The following ABTB2 variants were observed in gnomAD, a reference collection of about 807,000 sequenced individuals.
ABTB2 encodes ankyrin repeat and BTB domain containing 2, also known as ankyrin repeat and BTB/POZ domain-containing protein 2.
Under a neutral mutation model 104.1 loss-of-function variants are expected in ABTB2, and 56 were observed. The observed-to-expected ratio is 0.54, with a 90% CI of 0.43 to 0.67. The LOEUF (loss-of-function observed/expected upper bound fraction) is 0.67, where lower values mean the gene tolerates loss of function less well. Ranked by LOEUF, ABTB2 falls within the 30% of genes least tolerant of loss-of-function variation. The probability of loss-of-function intolerance (pLI) is 0.00; values close to 1 mark genes in which losing one functional copy is unlikely to be tolerated. For missense variants in ABTB2, 1,279 were observed against 1,407.7 expected (o/e 0.91, Z 1.46); for synonymous variants, 606 against 608.2 (o/e 1.00, Z 0.05).
At chr11:34,292,698 C>T (rs562196115) in intron 1 of ABTB2, among the ~76,000 whole-genome samples, 1 of 152,158 alleles carries the variant, frequency 6.6e-6, no homozygotes, top group Admixed American at 6.5e-5. Flanking sequence ...GCCAGGAAAG[C>T]GAACGGAGAG....
chr11:34,303,456 G>A (rs1259162301), intron 1 of ABTB2, among the ~76,000 whole-genome samples: 4 of 152,130 alleles, frequency 2.6e-5, no homozygotes, highest in African/African-American at 7.2e-5. Context: ...GCAGCATCAC[G>A]TAGAGGTTTC....
chr11:34,181,592 T>C (rs889537568), intron 3 of ABTB2, among the ~76,000 whole-genome samples: 9 of 152,216 alleles, frequency 5.9e-5, no homozygotes, highest in African/African-American at 2.2e-4. Context: ...AGGCAGACCC[T>C]GGACACACCC....
intron 4 of ABTB2, among the ~76,000 whole-genome samples, chr11:34,171,697 C>G (rs1361747616): frequency 6.6e-6 from 1 of 152,006 alleles, no homozygotes; most frequent in Non-Finnish European, 1.5e-5. Flanking sequence ...GGAAGCAGCT[C>G]CCACCCAGAC....
chr11:34,297,234 TC>T (rs935304551), intron 1 of ABTB2, among the ~76,000 whole-genome samples: 4 of 152,166 alleles, frequency 2.6e-5, no homozygotes, highest in Admixed American at 6.5e-5. Context: ...TCCTTAAAGG[TC>T]CCCTGCTTCT....
intron 1 of ABTB2, among the ~76,000 whole-genome samples, chr11:34,274,652 A>G (rs1590237735): frequency 1.3e-5 from 2 of 152,070 alleles, no homozygotes; most frequent in East Asian, 3.9e-4. Context: ...ATTAAAAAAG[A>G]AAAGAAAAAT....
intron 14 of ABTB2, among the ~76,000 whole-genome samples, chr11:34,157,664 C>T (rs999388668): frequency 2.0e-5 from 3 of 152,200 alleles, no homozygotes; most frequent in Non-Finnish European, 4.4e-5. Context: ...GAAGGGGAGA[C>T]GCCACCTGGC....
intron 3 of ABTB2, among the ~76,000 whole-genome samples, chr11:34,182,115 G>A (rs912170246): frequency 2.6e-5 from 4 of 152,210 alleles, no homozygotes; most frequent in African/African-American, 9.6e-5. Flanking sequence ...GGGAAGGTCA[G>A]GGCTGGCTCT....
At chr11:34,208,422 C>A (rs1853436116) in intron 1 of ABTB2, among the ~76,000 whole-genome samples, 1 of 152,150 alleles carries the variant, frequency 6.6e-6, no homozygotes, top group African/African-American at 2.4e-5. Flanking sequence ...ACGGAGGGAA[C>A]CGCATGCACC....
At chr11:34,300,597 GA>G (rs1451812810) in intron 1 of ABTB2, among the ~76,000 whole-genome samples, 6 of 152,168 alleles carry the variant, frequency 3.9e-5, no homozygotes, top group African/African-American at 1.4e-4. Flanking sequence ...ATCTCACACA[GA>G]AGAATAATCT....
At chr11:34,171,597 A>T (rs1297062961) in intron 4 of ABTB2, among the ~76,000 whole-genome samples, 1 of 152,112 alleles carries the variant, frequency 6.6e-6, no homozygotes, top group African/African-American at 2.4e-5. Context: ...ATAAGTAAGT[A>T]AGTAAGTAAG....
chr11:34,295,285 A>G (rs1467193048), intron 1 of ABTB2, among the ~76,000 whole-genome samples: 1 of 152,184 alleles, frequency 6.6e-6, no homozygotes, highest in Non-Finnish European at 1.5e-5. Context: ...ATGATCTTAC[A>G]CAGGCTAGAG....
chr11:34,158,569 AG>A (rs1484211347), intron 14 of ABTB2, among the ~76,000 whole-genome samples: 1 of 152,188 alleles, frequency 6.6e-6, no homozygotes. Flanking sequence ...CCAGCCCATA[AG>A]GGTCAGCTCT....
intron 1 of ABTB2, among the ~76,000 whole-genome samples, chr11:34,213,935 CCA>C (rs943036999): frequency 3.3e-5 from 5 of 152,086 alleles, no homozygotes; most frequent in African/African-American, 1.2e-4. Context: ...TGGCCTCTCT[CCA>C]AAGTATTGAT....
intron 1 of ABTB2, among the ~76,000 whole-genome samples, chr11:34,279,045 C>T (rs1464382560): frequency 1.3e-5 from 2 of 152,204 alleles, no homozygotes; most frequent in African/African-American, 2.4e-5. Flanking sequence ...TGTGTCTGCA[C>T]AGGTGTTTCG....
chr11:34,196,185 C>A (rs569115252), intron 3 of ABTB2, among the ~76,000 whole-genome samples: 1 of 152,028 alleles, frequency 6.6e-6, no homozygotes, highest in African/African-American at 2.4e-5. Flanking sequence ...ATGTTTGGTA[C>A]GAGTTATAAA....
intron 1 of ABTB2, among the ~76,000 whole-genome samples, chr11:34,279,459 A>G (rs1031184792): frequency 3.9e-5 from 6 of 152,188 alleles, no homozygotes; most frequent in African/African-American, 1.2e-4. Context: ...TTATTCCATT[A>G]TACAGATGAG....
At chr11:34,218,150 C>T (rs57380021) in intron 1 of ABTB2, among the ~76,000 whole-genome samples, 8,598 of 152,222 alleles carry the variant, frequency 0.056, 821 homozygotes, top group African/African-American at 0.2. Context: ...TTTCTTATTG[C>T]TGAGTTTTAA....
rs1200253269 is a variant in ABTB2 at position 34,154,396 on chromosome 11, CAGGTCTT to C, written c.2767-25_2767-19del. The stretch of plus-strand genomic sequence containing the variant: ...GACAGCAGCTGGTAGGGAGGCAGAG[CAGGTCTT>C]GGGGACCCATGGCCAGACCAGTGGC... On this transcript the variant is annotated intron_variant, in intron 15 of 16. Transcript: ENST00000435224. The surrounding 1 kb of genome is among the most constrained non-coding windows in gnomAD (Gnocchi z 4.9). 1 of 1,588,922 alleles carries C rather than the reference CAGGTCTT, an allele frequency of 6.3e-7. No homozygotes were observed. The highest frequency in any genetic ancestry group is 8.6e-7 in the Non-Finnish European group (1 of 1,162,034).
At chr11:34,259,893 C>T (rs1854168401) in intron 1 of ABTB2, among the ~76,000 whole-genome samples, 1 of 152,138 alleles carries the variant, frequency 6.6e-6, no homozygotes, top group Admixed American at 6.5e-5. Flanking sequence ...CAGCCTCGAC[C>T]TCCTGGGCTC....
Sources: allele counts gnomAD v4.1 joint callset (sites outside exome capture counted in the v4.1 genomes callset), GRCh38; gene constraint gnomAD v4.1.1; non-coding constraint Gnocchi (gnomAD v3.1); transcripts MANE v1.5; gene names NCBI Gene and HGNC (gene_info 2026-07-23, HGNC 2026-07-21).